Variants in ADK observed in about 807,000 individuals in gnomAD.
ADK encodes adenosine kinase.
Under a neutral mutation model 44.7 loss-of-function variants are expected in ADK, and 24 were observed. The observed-to-expected ratio is 0.54, with a 90% CI of 0.39 to 0.76. The LOEUF (loss-of-function observed/expected upper bound fraction) is 0.76. Among genes scored for constraint, ADK ranks in the 30% least tolerant of loss-of-function variants. The probability of loss-of-function intolerance (pLI) is 0.00; values close to 1 mark genes in which losing one functional copy is unlikely to be tolerated. For missense variants in ADK, 321 were observed against 425.1 expected (o/e 0.76, Z 2.15); for synonymous variants, 128 against 142.6 (o/e 0.90, Z 0.73).
intron 3 of ADK, among the ~76,000 whole-genome samples, chr10:74,233,438 C>G (rs1412192796): frequency 6.6e-6 from 1 of 152,150 alleles, no homozygotes; most frequent in African/African-American, 2.4e-5. Context: ...TGAGTAAGGA[C>G]AGATTACAGT....
chr10:74,280,533 A>G (rs1234212508), intron 3 of ADK, among the ~76,000 whole-genome samples: 1 of 152,126 alleles, frequency 6.6e-6, no homozygotes, highest in Non-Finnish European at 1.5e-5. Flanking sequence ...GGCCTTCCAG[A>G]TAGTTTGGAT....
intron 2 of ADK, among the ~76,000 whole-genome samples, chr10:74,218,685 C>T (rs1014675130): frequency 5.9e-5 from 9 of 152,222 alleles, no homozygotes; most frequent in African/African-American, 1.9e-4. Context: ...AAAAACTCTA[C>T]AAGCCAGAAG....
intron 3 of ADK, among the ~76,000 whole-genome samples, chr10:74,267,559 G>A (rs1222380764): frequency 6.6e-6 from 1 of 151,936 alleles, no homozygotes; most frequent in Non-Finnish European, 1.5e-5. Context: ...TATGTGTATC[G>A]TGCAGGTGAC....
chr10:74,452,611 A>AATTT (rs771476794), intron 6 of ADK, among the ~76,000 whole-genome samples: 17 of 151,922 alleles, frequency 1.1e-4, no homozygotes, highest in Non-Finnish European at 2.2e-4. Context: ...GTTGTTTTTT[A>AATTT]ATTTATTTTT....
At chr10:74,517,247 C>T (rs1848622911) in intron 6 of ADK, among the ~76,000 whole-genome samples, 1 of 152,160 alleles carries the variant, frequency 6.6e-6, no homozygotes, top group Non-Finnish European at 1.5e-5. Flanking sequence ...TAAATATGCT[C>T]CTATGTATTC....
At chr10:74,471,353 CT>C (rs1846583929) in intron 6 of ADK, among the ~76,000 whole-genome samples, 1 of 152,140 alleles carries the variant, frequency 6.6e-6, no homozygotes, top group African/African-American at 2.4e-5. Flanking sequence ...GGATTACAGG[CT>C]TGAGCCACCA....
intron 3 of ADK, among the ~76,000 whole-genome samples, chr10:74,273,921 T>A (rs1846549924): frequency 6.6e-6 from 1 of 152,224 alleles, no homozygotes; most frequent in Non-Finnish European, 1.5e-5. Flanking sequence ...TTTTGTGAAT[T>A]TGCATTTTTC....
chr10:74,202,336 A>G (rs1843427106), intron 2 of ADK, among the ~76,000 whole-genome samples: 1 of 152,152 alleles, frequency 6.6e-6, no homozygotes, highest in African/African-American at 2.4e-5. Flanking sequence ...GTGTGGATAG[A>G]CCACATTTTG....
chr10:74,176,720 G>T, intron 1 of ADK: 2 of 1,487,176 alleles, frequency 1.3e-6, no homozygotes, highest in African/African-American at 2.8e-5. Flanking sequence ...GGGCCGGCTA[G>T]CCAGGGGCCG....
intron 3 of ADK, among the ~76,000 whole-genome samples, chr10:74,288,022 T>G (rs1237597656): frequency 6.6e-5 from 10 of 150,910 alleles, no homozygotes; most frequent in Admixed American, 6.6e-4. Flanking sequence ...AATTTTTAAG[T>G]ACTTTTTTAC....
chr10:74,452,512 A>G (rs542378916), intron 6 of ADK, among the ~76,000 whole-genome samples: 24 of 152,198 alleles, frequency 1.6e-4, no homozygotes, highest in African/African-American at 2.4e-5. Flanking sequence ...TTGGATCTGT[A>G]TTAGGAAATT....
intron 4 of ADK, among the ~76,000 whole-genome samples, chr10:74,377,654 C>G (rs1459145072): frequency 6.6e-6 from 1 of 152,132 alleles, no homozygotes; most frequent in Non-Finnish European, 1.5e-5. Flanking sequence ...CATGTCAAAA[C>G]CATGAAAAGG....
chr10:74,515,877 C>T (rs1789903894), intron 6 of ADK, among the ~76,000 whole-genome samples: 1 of 152,098 alleles, frequency 6.6e-6, no homozygotes, highest in Admixed American at 6.5e-5. Context: ...AACAGCCAGT[C>T]CAGGGTCCAG....
chr10:74,172,339 T>G (rs1842185868), intron 1 of ADK, among the ~76,000 whole-genome samples: 1 of 152,054 alleles, frequency 6.6e-6, no homozygotes, highest in South Asian at 2.1e-4. Context: ...TCAAGTGGTC[T>G]TCCTGCCTTG....
At chr10:74,278,800 G>C (rs1846803542) in intron 3 of ADK, among the ~76,000 whole-genome samples, 1 of 152,188 alleles carries the variant, frequency 6.6e-6, no homozygotes. Flanking sequence ...AGCCTCCTGA[G>C]TAGCTGGGAC....
intron 6 of ADK, among the ~76,000 whole-genome samples, chr10:74,444,563 A>G (rs576386618): frequency 1.3e-5 from 2 of 152,196 alleles, no homozygotes; most frequent in Admixed American, 6.5e-5. Context: ...GATAGACACT[A>G]TTTTGTAGCA....
At chr10:74,411,241 GTTGT>G (rs1368745374) in intron 6 of ADK, among the ~76,000 whole-genome samples, 1 of 152,100 alleles carries the variant, frequency 6.6e-6, no homozygotes, top group Non-Finnish European at 1.5e-5. Context: ...AATCTGTAGA[GTTGT>G]TTGTTCTATT....
chr10:74,317,030 A>C (rs1233580112), intron 4 of ADK, among the ~76,000 whole-genome samples: 1 of 152,192 alleles, frequency 6.6e-6, no homozygotes, highest in African/African-American at 2.4e-5. Context: ...TAGTAATCAT[A>C]CTTTCATGTA....
intron 4 of ADK, among the ~76,000 whole-genome samples, chr10:74,332,924 A>G (rs1456649906): frequency 6.6e-6 from 1 of 152,210 alleles, no homozygotes; most frequent in Non-Finnish European, 1.5e-5. Flanking sequence ...TATTTTTCTT[A>G]AATTGAATAT....
Sources: allele counts gnomAD v4.1 joint callset (sites outside exome capture counted in the v4.1 genomes callset), GRCh38; gene constraint gnomAD v4.1.1; transcripts MANE v1.5; gene names NCBI Gene and HGNC (gene_info 2026-07-23, HGNC 2026-07-21).